Variants in ATP2B1 observed in about 807,000 individuals in gnomAD.
The protein encoded by ATP2B1 is plasma membrane calcium-transporting ATPase 1.
In ATP2B1, 14 loss-of-function variants were observed where a neutral mutation model predicts 124.2. The observed-to-expected ratio is 0.11, with a 90% CI of 0.07 to 0.18. The LOEUF is 0.18. Among genes scored for constraint, ATP2B1 ranks in the 10% least tolerant of loss-of-function variants. The pLI, the probability that ATP2B1 is intolerant of heterozygous loss-of-function variation, is 1.00. For synonymous variants in ATP2B1, 449 were observed against 492.4 expected (o/e 0.91, Z 1.17); for missense variants, 763 against 1,466.1 (o/e 0.52, Z 7.83).
chr12:89,701,071 C>T (rs1047014529), intron 1 of ATP2B1, among the ~76,000 whole-genome samples: 2 of 152,212 alleles, frequency 1.3e-5, no homozygotes, highest in African/African-American at 4.8e-5. Context: ...TCCTTCTTGA[C>T]TTCTTGGCAG....
intron 1 of ATP2B1, among the ~76,000 whole-genome samples, chr12:89,695,082 A>G (rs976545409): frequency 1.3e-5 from 2 of 151,716 alleles, no homozygotes; most frequent in African/African-American, 2.4e-5. Context: ...GAAAAGAATT[A>G]TAAGAATAGG....
rs745715273 is a variant in ATP2B1, at chr12:89,601,312, G to A, written c.3168+14C>T. 2.7e-6 allele frequency: 4 copies of A among 1,508,316 alleles called. No individual in the cohort carries two copies. The highest frequency in any genetic ancestry group is 3.6e-6 in the Non-Finnish European group (4 of 1,118,884). The allele number at this position is 1,508,316 out of a possible 1,614,324, so 93.4% of individuals were successfully genotyped here. A position where few individuals can be genotyped will look rare whatever the true frequency, so the allele number is the denominator to read the frequency against. On this transcript the variant is annotated intron_variant, in intron 19 of 20. Transcript: ENST00000428670. ...ATCACTTTAGGTTTAAACAAAAACT[G>A]ATGAAATTTTTACCTGGCCCCAGAG...
chr12:89,670,633 A>G (rs1480314330), intron 1 of ATP2B1, among the ~76,000 whole-genome samples: 1 of 152,180 alleles, frequency 6.6e-6, no homozygotes, highest in Non-Finnish European at 1.5e-5. Flanking sequence ...CAATCCTGGT[A>G]CTAATCCACA....
chr12:89,637,915 T>A (rs952910227), intron 3 of ATP2B1, among the ~76,000 whole-genome samples: 8 of 152,134 alleles, frequency 5.3e-5, no homozygotes, highest in African/African-American at 1.9e-4. Flanking sequence ...GAATCTGACA[T>A]GGATATCCAT....
chr12:89,614,898 C>G (rs1878689095), intron 12 of ATP2B1, among the ~76,000 whole-genome samples: 3 of 152,132 alleles, frequency 2.0e-5, no homozygotes, highest in Admixed American at 2.0e-4. Context: ...CCTGGGATCA[C>G]TGCAATAATC....
chr12:89,643,065 T>TACACACACACAC (rs145355576), intron 2 of ATP2B1, among the ~76,000 whole-genome samples: 2,604 of 143,602 alleles, frequency 0.018, 48 homozygotes, highest in African/African-American at 0.051. Flanking sequence ...TAAAGATACA[T>TACACACACACAC]ACACACACAC....
At chr12:89,606,304 T>G (rs2854367) in intron 15 of ATP2B1, among the ~76,000 whole-genome samples, 1 of 152,130 alleles carries the variant, frequency 6.6e-6, no homozygotes, top group Non-Finnish European at 1.5e-5. Flanking sequence ...GCACCAGAAT[T>G]ATGTGATTCA....
chr12:89,602,860 C>T (rs1284909198), intron 18 of ATP2B1, among the ~76,000 whole-genome samples, 183 bp downstream of exon 18: 3 of 152,168 alleles, frequency 2.0e-5, no homozygotes, highest in Non-Finnish European at 4.4e-5. Context: ...GCATTTACTT[C>T]TAAGAACAGG....
intron 20 of ATP2B1, chr12:89,598,512 C>T: frequency 6.9e-7 from 1 of 1,439,760 alleles, no homozygotes; most frequent in African/African-American, 1.4e-5. Flanking sequence ...TGAATTCAAA[C>T]ATTAAGGAGA....
chr12:89,706,197 A>G (rs1892433967), intron 1 of ATP2B1, among the ~76,000 whole-genome samples: 1 of 152,166 alleles, frequency 6.6e-6, no homozygotes, highest in South Asian at 2.1e-4. Flanking sequence ...TTTTTCTAAC[A>G]TGGTCTTTAT....
chr12:89,604,759 C>T (rs184064109), intron 15 of ATP2B1, among the ~76,000 whole-genome samples: 263 of 152,248 alleles, frequency 1.7e-3, no homozygotes, highest in African/African-American at 6.0e-3. Flanking sequence ...AGAAAGCAGA[C>T]AGCCAAATGG....
At chr12:89,610,624 C>T in intron 13 of ATP2B1, 116 bp from the exon 14 acceptor site, 1 of 813,890 alleles carries the variant, frequency 1.2e-6, no homozygotes, top group Non-Finnish European at 2.0e-6. Flanking sequence ...CAATCAGAAA[C>T]TCCTGGGAAC....
At chr12:89,595,467 TAATA>T (rs1366649635) in intron 20 of ATP2B1, among the ~76,000 whole-genome samples, 1 of 152,060 alleles carries the variant, frequency 6.6e-6, no homozygotes, top group Non-Finnish European at 1.5e-5. Flanking sequence ...AAGATCTGAC[TAATA>T]AATGAAGGGA....
At chr12:89,634,434 A>G (rs1882368889) in intron 5 of ATP2B1, among the ~76,000 whole-genome samples, 1 of 152,156 alleles carries the variant, frequency 6.6e-6, no homozygotes, top group Admixed American at 6.6e-5. Flanking sequence ...TTATACTTCA[A>G]TAGGCATTAA....
intron 1 of ATP2B1, among the ~76,000 whole-genome samples, chr12:89,666,008 TAAGGG>T (rs1592916906): frequency 6.6e-6 from 1 of 152,230 alleles, no homozygotes; most frequent in South Asian, 2.1e-4. Context: ...AATAGAGAAC[TAAGGG>T]AAGAAGGCAC....
intron 1 of ATP2B1, among the ~76,000 whole-genome samples, chr12:89,664,145 C>G (rs1413391414): frequency 1.3e-5 from 2 of 152,150 alleles, no homozygotes; most frequent in Admixed American, 6.5e-5. Context: ...GAAAAAACCA[C>G]CCAGGTTTTC....
intron 1 of ATP2B1, among the ~76,000 whole-genome samples, chr12:89,691,275 T>C (rs1343937390): frequency 4.6e-5 from 7 of 152,102 alleles, no homozygotes; most frequent in Non-Finnish European, 8.8e-5. Context: ...TCAGTCCTCT[T>C]CTAACTAAAA....
intron 5 of ATP2B1, among the ~76,000 whole-genome samples, chr12:89,632,594 CAGTTTTA>C (rs1372912739): frequency 6.6e-6 from 1 of 152,106 alleles, no homozygotes; most frequent in Non-Finnish European, 1.5e-5. Flanking sequence ...GCAAAGTAAA[CAGTTTTA>C]AGTCTTGGTC....
At chr12:89,621,427 T>C (rs1226332342) in intron 10 of ATP2B1, 122 bp downstream of exon 10, 53 of 710,676 alleles carry the variant, frequency 7.5e-5, no homozygotes, top group Non-Finnish European at 1.1e-4. Context: ...TAAATAAATA[T>C]ATGCCTTTTA....
Sources: allele counts gnomAD v4.1 joint callset (sites outside exome capture counted in the v4.1 genomes callset), GRCh38; gene constraint gnomAD v4.1.1; transcripts MANE v1.5; gene names NCBI Gene and HGNC (gene_info 2026-07-23, HGNC 2026-07-21).